USP34: variants seen among roughly 807,000 people sequenced by gnomAD.
The protein encoded by USP34 is ubiquitin specific peptidase 34, also known as ubiquitin carboxyl-terminal hydrolase 34.
A neutral mutation model predicts 460.3 loss-of-function variants in USP34; 70 were observed. That is an observed-to-expected ratio of 0.15 (90% CI 0.13 to 0.19). USP34 has a LOEUF of 0.19. Among genes scored for constraint, USP34 ranks in the 10% least tolerant of loss-of-function variants. USP34 has a pLI of 1.00. For missense variants in USP34, 3,985 were observed against 4,236.2 expected (o/e 0.94, Z 1.65); for synonymous variants, 1,647 against 1,405.3 (o/e 1.17, Z -3.85).
intron 44 of USP34, 84 bp downstream of exon 44, chr2:61,259,627 C>A: frequency 1.6e-6 from 2 of 1,252,776 alleles, no homozygotes; most frequent in East Asian, 2.4e-5. Flanking sequence ...CTCAAGCCAT[C>A]CACCCACCTT....
intron 21 of USP34, among the ~76,000 whole-genome samples, chr2:61,324,151 T>C (rs1025134923): frequency 2.0e-5 from 3 of 152,096 alleles, no homozygotes; most frequent in Non-Finnish European, 4.4e-5. Context: ...AAGAAGAATG[T>C]AGAGAGTAAA....
intron 10 of USP34, among the ~76,000 whole-genome samples, chr2:61,361,659 A>G (rs1013945225): frequency 6.6e-6 from 1 of 152,194 alleles, no homozygotes; most frequent in Non-Finnish European, 1.5e-5. Flanking sequence ...AAATCAACTC[A>G]AAATGGATTA....
chr2:61,278,516 C>A, intron 39 of USP34, 73 bp from the exon 40 acceptor site: 2 of 1,185,722 alleles, frequency 1.7e-6, no homozygotes, highest in South Asian at 3.3e-5. Context: ...TTATTAAAAT[C>A]ATTTCCTTAT....
In USP34 at chr2:61,241,569, C is replaced by T. The variant is rs1235864728; in HGVS notation, c.6768G>A (p.Glu2256=). ...TGAAATTAACTTATACCTCTAGTAA[C>T]TCTGACGAAACATCAAATTTGTATT... is the stretch of plus-strand genomic sequence containing the variant. ...GREYKFDVSS[E]LLEWIWHDNM... is the part of the protein sequence containing the mutation. Residue 2256 remains glutamate (E), a synonymous_variant, in exon 53 of 80, where the codon GAG becomes GAA. Transcript: ENST00000398571. 2 of 1,601,414 alleles carry T rather than the reference C, an allele frequency of 1.2e-6. No individual in the cohort carries two copies. Among genetic ancestry groups the T allele is most frequent in the Non-Finnish European group, 1.7e-6 (2 of 1,176,290 alleles).
chr2:61,246,450 T>A lies in USP34; in HGVS notation c.6422A>T (p.Lys2141Ile), dbSNP rs375945257. The A allele has an allele frequency of 3.3e-5, 53 of 1,589,476 alleles. No homozygotes were observed. The highest frequency in any genetic ancestry group is 4.3e-5 in the Non-Finnish European group (50 of 1,168,224). Reference protein sequence around the residue: ...EGFKEVSDHSKDSESYEYDLI... With the variant: ...EGFKEVSDHSIDSESYEYDLI... ...GTCATATTCATAGCTCTCTGAGTCT[T>A]TTGAATGATCACTGACTTCTTTAAA... is the stretch of plus-strand genomic sequence containing the variant. Residue 2141 changes from lysine to isoleucine, a missense_variant, in exon 50 of 80, where the codon AAA (lysine) becomes ATA (isoleucine). Transcript: ENST00000398571.
intron 62 of USP34, among the ~76,000 whole-genome samples, chr2:61,226,075 C>A (rs968378149): frequency 2.0e-5 from 3 of 152,194 alleles, no homozygotes; most frequent in African/African-American, 7.2e-5. Flanking sequence ...AAGCCATCCA[C>A]CTCATCCTCC....
At position 61,348,490 on chromosome 2, in the gene USP34, GA is replaced by G. The variant is rs1691840081; in HGVS notation, c.1675-11del. 3.7e-6 allele frequency: 6 copies of G among 1,600,342 alleles called. No homozygotes were observed. Among genetic ancestry groups the G allele is most frequent in the Non-Finnish European group, 5.1e-6 (6 of 1,174,036 alleles). ...TTCCCTGCATGGATTCCTGTATTTT[GA>G]AACAAATAGATTTAAATAAATATTT... On this transcript the variant is annotated splice_polypyrimidine_tract_variant and intron_variant, in intron 14 of 79. Transcript: ENST00000398571.
In USP34 at chr2:61,188,580, T is replaced by C. The variant is rs757187696; in HGVS notation, c.10163A>G (p.Asn3388Ser). Residue 3388 changes from asparagine (N) to serine (S), a missense_variant, in exon 80 of 80, where the codon AAT becomes AGT. By Grantham distance (46) the Asn-to-Ser change is conservative. Transcript: ENST00000398571. Reference protein sequence around the residue: ...EVLTPTSTSDNETRDSSIIDP... With the variant: ...EVLTPTSTSDSETRDSSIIDP... Reference sequence around the variant, plus strand: ...AATAATTGAGGAGTCTCTGGTCTCATTGTCAGAAGTGCTCGTTGGGGTCAG... The same window carrying C: ...AATAATTGAGGAGTCTCTGGTCTCACTGTCAGAAGTGCTCGTTGGGGTCAG... The C allele has an allele frequency of 1.7e-5, 27 of 1,614,194 alleles. No individual in the cohort carries two copies. Among genetic ancestry groups the C allele is most frequent in the South Asian group, 1.1e-4 (10 of 91,082 alleles).
At chr2:61,336,858 C>T (rs1461302387) in intron 18 of USP34, among the ~76,000 whole-genome samples, 1 of 150,098 alleles carries the variant, frequency 6.7e-6, no homozygotes, top group Non-Finnish European at 1.5e-5. Flanking sequence ...TCAATCCTCC[C>T]AAAAATAACT....
intron 2 of USP34, among the ~76,000 whole-genome samples, chr2:61,409,217 CAAAAAACAT>C (rs1302023167): frequency 1.3e-5 from 2 of 151,714 alleles, no homozygotes; most frequent in Non-Finnish European, 2.9e-5. Context: ...GAGACTGTCT[CAAAAAACAT>C]AAAAAACTTA....
At chr2:61,397,459 A>C (rs555260193) in intron 3 of USP34, among the ~76,000 whole-genome samples, 2,926 of 146,904 alleles carry the variant, frequency 0.02, 50 homozygotes, top group Middle Eastern at 0.036. Context: ...AAAAAAAAAA[A>C]ATTCACGCTG....
chr2:61,392,027 CTA>C (rs1305321817), intron 5 of USP34, among the ~76,000 whole-genome samples: 1 of 152,046 alleles, frequency 6.6e-6, no homozygotes, highest in African/African-American at 2.4e-5. Flanking sequence ...ATAAAGAAAA[CTA>C]TGCAGATTGA....
chr2:61,343,593 G>A (rs1055730618), intron 16 of USP34, among the ~76,000 whole-genome samples: 18 of 151,130 alleles, frequency 1.2e-4, no homozygotes, highest in African/African-American at 4.1e-4. Flanking sequence ...TTCTTTCCCC[G>A]CTGAATATCT....
In USP34 at chr2:61,245,348, T is replaced by C. The variant is rs544640253; in HGVS notation, c.6549-60A>G. 126 of 997,924 alleles carry C rather than the reference T, an allele frequency of 1.3e-4. No homozygotes were observed. The African/African-American group carries it at 1.9e-3, about 15-fold the overall frequency. 61.8% of individuals were successfully genotyped at this position (997,924 alleles called of 1,614,324 possible). A position where few individuals can be genotyped will look rare whatever the true frequency, so the allele number is the denominator to read the frequency against. On this transcript the variant is annotated intron_variant, in intron 50 of 79. Coordinates refer to ENST00000398571, the MANE Select transcript of USP34 (RefSeq NM_014709.4). ...ATATAATGAGTATCTTCATATTATG[T>C]CTACTATTTTTTGAATAACCAATGT...
intron 1 of USP34, among the ~76,000 whole-genome samples, chr2:61,421,752 T>G (rs897295151): frequency 1.3e-5 from 2 of 151,584 alleles, no homozygotes; most frequent in African/African-American, 4.8e-5. Context: ...ACCAAATATA[T>G]ATGAGGTTAG....
rs147552968 is a variant in USP34, at chr2:61,401,277, G to A, written c.552+4431C>T. On this transcript the variant is annotated intron_variant, in intron 3 of 79. Transcript: ENST00000398571. ...TCCTTTCTACTTTTTTAAAGATAGG[G>A]TCCCACTCTGTCATGCAGAGGCATG... Among the ~76,000 whole-genome samples, 472 of 151,538 alleles carry A rather than the reference G, an allele frequency of 3.1e-3. 1 individual carries two copies. The highest frequency in any genetic ancestry group is 5.8e-3 in the Admixed American group (88 of 15,196).
At chr2:61,288,986 T>C in intron 33 of USP34, 109 bp from the exon 34 acceptor site, 1 of 1,092,222 alleles carries the variant, frequency 9.2e-7, no homozygotes, top group Non-Finnish European at 1.3e-6. Context: ...TAGCTAGTAC[T>C]TAATCATGTA....
chr2:61,456,777 A>AC (rs1409366767), intron 1 of USP34, among the ~76,000 whole-genome samples: 3 of 152,052 alleles, frequency 2.0e-5, no homozygotes, highest in Non-Finnish European at 4.4e-5. Flanking sequence ...ACACAGTGGG[A>AC]CCCCATCTCA....
intron 61 of USP34, 83 bp from the exon 62 acceptor site, chr2:61,227,301 T>G: frequency 6.9e-7 from 1 of 1,457,608 alleles, no homozygotes; most frequent in Non-Finnish European, 9.3e-7. Flanking sequence ...TATGTAACAG[T>G]GTAGATGGTG....
Sources: gnomAD v4.1 joint callset for allele counts (sites outside exome capture counted in the v4.1 genomes callset) on GRCh38, gnomAD v4.1.1 for gene constraint, MANE v1.5 for transcripts, NCBI Gene and HGNC (gene_info 2026-07-23, HGNC 2026-07-21) for gene names.